UPRT: variants seen among roughly 807,000 people sequenced by gnomAD.
The protein encoded by UPRT is RP11-311P8.3.
UPRT carries 5 observed loss-of-function variants against 22.6 expected under a neutral mutation model. That is an observed-to-expected ratio of 0.22 (90% confidence interval 0.12 to 0.47). The LOEUF (loss-of-function observed/expected upper bound fraction) is 0.47. Among genes scored for constraint, UPRT ranks in the 20% least tolerant of loss-of-function variants. UPRT has a pLI of 0.99. For synonymous variants in UPRT, 77 were observed against 87.7 expected (o/e 0.88, Z 0.68); for missense variants, 181 against 239.9 (o/e 0.75, Z 1.62).
At chrX:75,276,417 T>C (rs1050366768) in intron 1 of UPRT, among the ~76,000 whole-genome samples, 1 of 111,808 alleles carries the variant, frequency 8.9e-6, no homozygotes, top group Non-Finnish European at 1.9e-5. Context: ...TATTTTACTC[T>C]TTTTAATGAA....
chrX:75,281,995 G>A (rs1453951092), intron 1 of UPRT, among the ~76,000 whole-genome samples: 1 of 110,555 alleles, frequency 9.0e-6, no homozygotes, highest in Non-Finnish European at 1.9e-5. Context: ...TAAGCAAGGA[G>A]GGTTGTATTT....
chrX:75,251,054 A>T (rs1187850141), intron 4 of UPRT, among the ~76,000 whole-genome samples: 1 of 111,752 alleles, frequency 8.9e-6, no homozygotes, highest in Admixed American at 9.5e-5. Flanking sequence ...TATTGATGGG[A>T]TGTATCTCAA....
At chrX:75,227,766 T>C (rs1169003207) in intron 4 of UPRT, among the ~76,000 whole-genome samples, 1 of 112,204 alleles carries the variant, frequency 8.9e-6, no homozygotes, top group Non-Finnish European at 1.9e-5. Flanking sequence ...GGACATATGT[T>C]GAGACTTTTG....
chrX:75,296,215 A>T, intron 2 of UPRT, 127 bp from the exon 3 acceptor site: 2 of 579,383 alleles, frequency 3.5e-6, no homozygotes, highest in Non-Finnish European at 5.4e-6. Flanking sequence ...GGGGCCCCTT[A>T]CTGCCTCCAC....
rs1283863239 is a variant in UPRT at position 75,274,746 on chromosome X, TTTGGAGA to T, written c.386+111_386+117del. ...GACAGTGTTCTTGGCCTTGGCAAAC[TTTGGAGA>T]TTGGGGTAAGACCTTTTATTTGGTG... is the stretch of plus-strand genomic sequence containing the variant. On this transcript the variant is annotated intron_variant, in intron 1 of 6. Coordinates refer to ENST00000373383, the MANE Select transcript of UPRT (RefSeq NM_145052.4). 2.8e-3 allele frequency: 2,614 copies of T among 938,472 alleles called. 11 individuals are homozygous for T. Among genetic ancestry groups the T allele is most frequent in the Non-Finnish European group, 3.2e-3 (2,263 of 699,518 alleles). 77.3% of individuals were successfully genotyped at this position (938,472 alleles called of 1,213,427 possible).
chrX:75,197,016 A>G (rs2082334604), intron 4 of UPRT, among the ~76,000 whole-genome samples: 1 of 111,366 alleles, frequency 9.0e-6, no homozygotes, highest in African/African-American at 3.3e-5. Context: ...AAGTGAAGTG[A>G]CCCATTGTAG....
chrX:75,201,780 G>T, intron 4 of UPRT: 1 of 117,051 alleles, frequency 8.5e-6, no homozygotes. Context: ...TGCCAGGGCT[G>T]CTCTAGCTGA....
chrX:75,195,865 G>A lies in UPRT; in HGVS notation c.-447+27986G>A, dbSNP rs188913186. On this transcript the variant is annotated intron_variant, in intron 4 of 13. Coordinates refer to the UPRT transcript ENST00000652605. The stretch of plus-strand genomic sequence containing the variant: ...GGTGCTAGATGTTCCTCCTGGCTGA[G>A]TCTAGTTGGCTATCTCTATCAAGTT... Among the ~76,000 whole-genome samples, 83 of 112,074 alleles carry A rather than the reference G, an allele frequency of 7.4e-4. 1 individual carries two copies. The highest frequency in any genetic ancestry group is 2.6e-3 in the African/African-American group (79 of 30,854).
intron 4 of UPRT, among the ~76,000 whole-genome samples, chrX:75,228,971 C>G (rs2082430392): frequency 8.9e-6 from 1 of 111,857 alleles, no homozygotes; most frequent in Non-Finnish European, 1.9e-5. Context: ...CTCATAGAAG[C>G]TGAGAGTAGA....
At chrX:75,264,165 G>T (rs186794023) in intron 4 of UPRT, among the ~76,000 whole-genome samples, 12 of 110,456 alleles carry the variant, frequency 1.1e-4, no homozygotes, top group African/African-American at 3.9e-4. Context: ...GAATAGGTGT[G>T]GTGTGGTGTG....
intron 4 of UPRT, among the ~76,000 whole-genome samples, chrX:75,173,902 C>T (rs1045236218): frequency 6.2e-5 from 7 of 112,041 alleles, no homozygotes; most frequent in Non-Finnish European, 9.4e-5. Flanking sequence ...GTGCGGGGCC[C>T]GCCAAGCCCA....
At chrX:75,179,739 CCTT>C (rs770476965) in intron 4 of UPRT, among the ~76,000 whole-genome samples, 3 of 113,498 alleles carry the variant, frequency 2.6e-5, no homozygotes, top group African/African-American at 6.4e-5. Context: ...ACCCAGTACA[CCTT>C]CTGCAGCCAC....
chrX:75,235,338 A>G (rs1442281362), intron 4 of UPRT, among the ~76,000 whole-genome samples: 1 of 111,753 alleles, frequency 8.9e-6, no homozygotes, highest in Non-Finnish European at 1.9e-5. Flanking sequence ...ATGGATTCAC[A>G]GCCGAATTCT....
In UPRT at chrX:75,235,127, A is replaced by G. The variant is rs896168499; in HGVS notation, c.-446-55897A>G. 5.4e-5 allele frequency among the ~76,000 whole-genome samples: 6 copies of G among 112,069 alleles called. No individual in the cohort carries two copies. The East Asian group carries it at 1.7e-3, about 31-fold the overall frequency. On this transcript the variant is annotated intron_variant, in intron 4 of 13. Transcript: ENST00000652605. Reference sequence around the variant, plus strand: ...ATATCACCACCAATCCCACAGAAATACAGACTACCATCAGAGAATACTATA... The same window carrying G: ...ATATCACCACCAATCCCACAGAAATGCAGACTACCATCAGAGAATACTATA...
chrX:75,229,289 A>T (rs1467917922), intron 4 of UPRT, among the ~76,000 whole-genome samples: 1 of 111,986 alleles, frequency 8.9e-6, no homozygotes, highest in African/African-American at 3.2e-5. Context: ...ATATAACTTT[A>T]TTTGTCATTA....
chrX:75,254,268 A>T (rs2082541731), intron 4 of UPRT, among the ~76,000 whole-genome samples: 1 of 111,821 alleles, frequency 8.9e-6, no homozygotes, highest in Non-Finnish European at 1.9e-5. Flanking sequence ...AAGCTCATGG[A>T]AGGAAATTTA....
chrX:75,253,531 A>G (rs2082539155), intron 4 of UPRT, among the ~76,000 whole-genome samples: 1 of 111,929 alleles, frequency 8.9e-6, no homozygotes, highest in African/African-American at 3.2e-5. Context: ...AAACAGAAAA[A>G]CCGAAGTCTC....
intron 4 of UPRT, among the ~76,000 whole-genome samples, chrX:75,266,792 C>T (rs2082590130): frequency 9.0e-6 from 1 of 111,543 alleles, no homozygotes; most frequent in Non-Finnish European, 1.9e-5. Flanking sequence ...TGAACAGACA[C>T]TTCTCAAAAG....
At position 75,291,696 on chromosome X, in the gene UPRT, G is replaced by T. The variant is rs192267533; in HGVS notation, c.387-1776G>T. The T allele has an allele frequency of 3.8e-3, 505 of 133,475 alleles. 2 individuals carry two copies. The highest frequency in any genetic ancestry group is 5.5e-3 in the Non-Finnish European group (377 of 68,696). The allele number at this position is 133,475 out of a possible 1,213,427, so 11.0% of individuals were successfully genotyped here. On this transcript the variant is annotated intron_variant, in intron 1 of 6. Coordinates refer to ENST00000373383, the MANE Select transcript of UPRT (RefSeq NM_145052.4). ...CTAGATATACTTTAATTTCTAAATG[G>T]ATTTAAAATGAATAGTATGGATCTG...
Sources: allele counts gnomAD v4.1 joint callset (sites outside exome capture counted in the v4.1 genomes callset), GRCh38; gene constraint gnomAD v4.1.1; transcripts MANE v1.5; gene names NCBI Gene and HGNC (gene_info 2026-07-23, HGNC 2026-07-21).